The following C1orf21 variants were observed in gnomAD, a reference collection of about 807,000 sequenced individuals.
C1orf21 encodes chromosome 1 open reading frame 21.
A neutral mutation model predicts 18.7 loss-of-function variants in C1orf21; 3 were observed. The ratio of observed to expected loss-of-function variants is 0.16; its 90% CI spans 0.07 to 0.42. The LOEUF is 0.42. Ranked by LOEUF, C1orf21 falls within the 10% of genes least tolerant of loss-of-function variation. The pLI is 0.99. For synonymous variants in C1orf21, 41 were observed against 46.4 expected (o/e 0.88, Z 0.47); for missense variants, 104 against 143.6 (o/e 0.72, Z 1.41).
chr1:184,597,626 T>G (rs534021986), intron 4 of C1orf21, among the ~76,000 whole-genome samples: 1 of 152,290 alleles, frequency 6.6e-6, no homozygotes, highest in African/African-American at 2.4e-5. Context: ...AGCTATCTGC[T>G]AGGTAGAAGC....
intron 2 of C1orf21, among the ~76,000 whole-genome samples, chr1:184,484,680 G>A (rs1657706708): frequency 6.6e-6 from 1 of 152,206 alleles, no homozygotes; most frequent in African/African-American, 2.4e-5. Flanking sequence ...GCTTAAGCCT[G>A]ATGTTTATAA....
At chr1:184,480,907 T>C (rs1038399658) in intron 2 of C1orf21, among the ~76,000 whole-genome samples, 7 of 152,144 alleles carry the variant, frequency 4.6e-5, no homozygotes, top group African/African-American at 1.7e-4. Context: ...ATAGTGGCCT[T>C]TGTCTCAAGA....
At chr1:184,567,418 G>GA (rs1418627206) in intron 3 of C1orf21, 2 of 532,126 alleles carry the variant, frequency 3.8e-6, no homozygotes, top group Admixed American at 3.9e-5. Flanking sequence ...TCCTGGGCTT[G>GA]AAGGTCTGCA....
intron 1 of C1orf21, among the ~76,000 whole-genome samples, chr1:184,402,186 C>A (rs955488331): frequency 7.9e-5 from 12 of 152,136 alleles, no homozygotes; most frequent in Admixed American, 7.9e-4. Flanking sequence ...GTCTCAGTAG[C>A]CACATATGGT....
At chr1:184,488,267 G>T (rs1174116596) in intron 2 of C1orf21, among the ~76,000 whole-genome samples, 2 of 152,178 alleles carry the variant, frequency 1.3e-5, no homozygotes, top group African/African-American at 2.4e-5. Context: ...CAGGAATGAT[G>T]AATATAATAT....
intron 1 of C1orf21, among the ~76,000 whole-genome samples, chr1:184,405,510 A>G (rs1215068224): frequency 1.3e-5 from 2 of 152,134 alleles, no homozygotes; most frequent in Non-Finnish European, 2.9e-5. Context: ...AATTCCTATT[A>G]TGCTTTAAAG....
chr1:184,575,061 C>T (rs1430036958), intron 3 of C1orf21, among the ~76,000 whole-genome samples: 2 of 152,190 alleles, frequency 1.3e-5, no homozygotes, highest in African/African-American at 2.4e-5. Flanking sequence ...TAAAGGACTA[C>T]AGGATCCTGT....
At chr1:184,579,996 C>CT (rs1659254660) in intron 3 of C1orf21, among the ~76,000 whole-genome samples, 1 of 152,160 alleles carries the variant, frequency 6.6e-6, no homozygotes, top group Admixed American at 6.5e-5. Context: ...TGGAGAAGGA[C>CT]TCTCTGGTGA....
rs1475894846 is a variant in C1orf21 at position 184,520,130 on chromosome 1, G to A, written c.189+12448G>A. Among the ~76,000 whole-genome samples, 3 of 152,140 alleles carry A rather than the reference G, an allele frequency of 2.0e-5. 1 individual carries two copies. The highest frequency in any genetic ancestry group is 4.4e-5 in the Non-Finnish European group (3 of 68,036). On this transcript the variant is annotated intron_variant, in intron 3 of 5. Coordinates refer to ENST00000235307, the MANE Select transcript of C1orf21 (RefSeq NM_030806.4). The stretch of plus-strand genomic sequence containing the variant: ...CTCAGTGCTCTGTATGATAACAGAT[G>A]CCAAATTTCTTCCTTCTTTGAAAAG...
chr1:184,526,085 A>G lies in C1orf21; in HGVS notation c.189+18403A>G, dbSNP rs964124417. Among the ~76,000 whole-genome samples, 6 of 152,324 alleles carry G rather than the reference A, an allele frequency of 3.9e-5. No individual in the cohort carries two copies. The East Asian group carries it at 1.2e-3, about 29-fold the overall frequency. The stretch of plus-strand genomic sequence containing the variant: ...AAAGTGGCAGTCATTTTAAAATTGT[A>G]TTGTTAGAGTTAATGACAGAAAATG... On this transcript the variant is annotated intron_variant, in intron 3 of 5. Transcript: ENST00000235307.
intron 3 of C1orf21, among the ~76,000 whole-genome samples, chr1:184,551,684 A>T (rs1658815093): frequency 1.3e-5 from 2 of 152,160 alleles, no homozygotes. Context: ...CCATCGCCTC[A>T]TCTGGGCAGA....
chr1:184,577,165 C>T (rs1049247916), intron 3 of C1orf21, among the ~76,000 whole-genome samples: 2 of 149,914 alleles, frequency 1.3e-5, no homozygotes, highest in Admixed American at 6.7e-5. Context: ...GGCTTTATCT[C>T]GAATGCTTTC....
chr1:184,469,265 G>A (rs553281873), intron 1 of C1orf21, among the ~76,000 whole-genome samples: 21 of 151,832 alleles, frequency 1.4e-4, no homozygotes, highest in African/African-American at 4.8e-4. Context: ...CAAAACAAAC[G>A]AACAAAAAAA....
intron 1 of C1orf21, among the ~76,000 whole-genome samples, chr1:184,448,553 G>T (rs1657068266): frequency 6.6e-6 from 1 of 152,184 alleles, no homozygotes; most frequent in Non-Finnish European, 1.5e-5. Flanking sequence ...GACTATTAGA[G>T]CATCTTTGAC....
chr1:184,505,306 A>AATAT (rs59445875), intron 2 of C1orf21, among the ~76,000 whole-genome samples: 7,264 of 65,946 alleles, frequency 0.11, 412 homozygotes, highest in East Asian at 0.14. Flanking sequence ...TACATAAAGA[A>AATAT]ATATATATAT....
intron 2 of C1orf21, among the ~76,000 whole-genome samples, chr1:184,491,772 A>T (rs1428561643): frequency 2.0e-5 from 3 of 152,202 alleles, no homozygotes; most frequent in African/African-American, 7.2e-5. Flanking sequence ...GACACTGGTT[A>T]AGTGGTTTGG....
chr1:184,450,214 A>G (rs1657101409), intron 1 of C1orf21, among the ~76,000 whole-genome samples: 1 of 152,074 alleles, frequency 6.6e-6, no homozygotes, highest in African/African-American at 2.4e-5. Flanking sequence ...AGCACCTCTT[A>G]TGGGATTCTC....
intron 3 of C1orf21, among the ~76,000 whole-genome samples, chr1:184,517,102 C>G (rs2101967625): frequency 1.3e-5 from 2 of 152,108 alleles, no homozygotes; most frequent in Middle Eastern, 6.8e-3. Context: ...GTAGGAAAGC[C>G]AAGAGCTCAA....
chr1:184,557,228 A>G (rs1182959420), intron 3 of C1orf21, among the ~76,000 whole-genome samples: 2 of 151,954 alleles, frequency 1.3e-5, no homozygotes, highest in Non-Finnish European at 2.9e-5. Context: ...GAGAAGCTCA[A>G]TTTGTGTGTA....
Sources: gnomAD v4.1 joint callset for allele counts (sites outside exome capture counted in the v4.1 genomes callset) on GRCh38, gnomAD v4.1.1 for gene constraint, MANE v1.5 for transcripts, NCBI Gene and HGNC (gene_info 2026-07-23, HGNC 2026-07-21) for gene names.